Variants in SCN8A observed in about 807,000 individuals in gnomAD.
The protein encoded by SCN8A is sodium voltage-gated channel alpha subunit 8, also known as sodium channel protein type 8 subunit alpha.
SCN8A carries 30 observed loss-of-function variants against 184.1 expected under a neutral mutation model. That is an observed-to-expected ratio of 0.16 (90% CI 0.12 to 0.22). The LOEUF (loss-of-function observed/expected upper bound fraction) is 0.22, where lower values mean the gene tolerates loss of function less well. Ranked by LOEUF, SCN8A falls within the 10% of genes least tolerant of loss-of-function variation. The pLI is 1.00. For missense variants in SCN8A, 1,057 were observed against 2,498.9 expected (o/e 0.42, Z 12.30); for synonymous variants, 852 against 907.0 (o/e 0.94, Z 1.09).
At position 51,649,882 on chromosome 12, in the gene SCN8A, G is replaced by T. The variant is rs535722226; in HGVS notation, c.-54-12882G>T. 5.3e-5 allele frequency among the ~76,000 whole-genome samples: 8 copies of T among 152,268 alleles called. No homozygotes were observed. The South Asian group carries it at 8.3e-4, about 16-fold the overall frequency. The stretch of plus-strand genomic sequence containing the variant: ...GCTTGTATTTCTCCTCAGAAAATGG[G>T]TTTTTCTTTTCTATCACATGGACAG... On this transcript the variant is annotated intron_variant, in intron 1 of 26. Coordinates refer to ENST00000627620, the MANE Select transcript of SCN8A (RefSeq NM_001330260.2).
At chr12:51,786,943 C>T (rs1938103666) in intron 22 of SCN8A, 117 bp downstream of exon 22, 1 of 1,020,454 alleles carries the variant, frequency 9.8e-7, no homozygotes, top group Non-Finnish European at 1.4e-6. Context: ...CTCAATAAGT[C>T]CAAGAAAACA....
At chr12:51,680,605 C>T (rs1385702126) in intron 2 of SCN8A, among the ~76,000 whole-genome samples, 1 of 152,190 alleles carries the variant, frequency 6.6e-6, no homozygotes, top group Admixed American at 6.5e-5. Context: ...ACTGCAGGCA[C>T]TGATTCAGTG....
rs756032572 is a variant in SCN8A at position 51,786,699 on chromosome 12, T to C, written c.4100T>C (p.Ile1367Thr). ...FNETSEIRFE[I>T]EDVNNKTECE... The stretch of plus-strand genomic sequence containing the variant: ...GAGACTTCTGAAATCCGATTTGAAA[T>C]TGAAGATGTCAACAATAAAACTGAA... The change falls in exon 22 of 27, where the codon ATT (isoleucine) becomes ACT (threonine). Residue 1367 changes from isoleucine to threonine, a missense_variant. Ile to Thr is a moderately conservative substitution (Grantham distance 89). Around this residue, in one of 19 missense-constraint regions of SCN8A, gnomAD observed 13 missense variants for 20.0 expected, o/e 0.65. Transcript: ENST00000627620. 2 of 1,613,974 alleles carry C rather than the reference T, an allele frequency of 1.2e-6. No individual in the cohort carries two copies. Among genetic ancestry groups the C allele is most frequent in the South Asian group, 2.2e-5 (2 of 91,084 alleles).
intron 1 of SCN8A, among the ~76,000 whole-genome samples, chr12:51,603,824 A>C (rs1012073463): frequency 6.6e-6 from 1 of 151,918 alleles, no homozygotes; most frequent in Non-Finnish European, 1.5e-5. Context: ...AATGATGTCT[A>C]ATATCTTTTC....
intron 11 of SCN8A, among the ~76,000 whole-genome samples, chr12:51,717,114 T>C (rs908853216): frequency 4.6e-5 from 7 of 152,170 alleles, no homozygotes; most frequent in African/African-American, 1.4e-4. Context: ...CCAACACTTA[T>C]ATTTCCCCGT....
chr12:51,626,824 TTA>T (rs1429909908), intron 1 of SCN8A, among the ~76,000 whole-genome samples: 2 of 150,038 alleles, frequency 1.3e-5, no homozygotes, highest in Non-Finnish European at 3.0e-5. Context: ...TGATATTTAA[TTA>T]TATATTCTAT....
At chr12:51,619,056 G>A (rs1403241575) in intron 1 of SCN8A, among the ~76,000 whole-genome samples, 1 of 152,128 alleles carries the variant, frequency 6.6e-6, no homozygotes, top group African/African-American at 2.4e-5. Context: ...AGTTTCTCAT[G>A]TGTCTTTACA....
At chr12:51,733,872 A>G (rs535821462) in intron 12 of SCN8A, among the ~76,000 whole-genome samples, 5 of 152,278 alleles carry the variant, frequency 3.3e-5, no homozygotes, top group African/African-American at 1.2e-4. Context: ...TGCTCATAGT[A>G]ACCACTAATG....
intron 14 of SCN8A, among the ~76,000 whole-genome samples, chr12:51,755,425 GTATTCCAGGA>G (rs1322464543): frequency 1.3e-5 from 2 of 152,146 alleles, no homozygotes; most frequent in Non-Finnish European, 2.9e-5. Context: ...GTACCACAAG[GTATTCCAGGA>G]TACTTTCGTG....
At chr12:51,644,591 C>T (rs929085827) in intron 1 of SCN8A, among the ~76,000 whole-genome samples, 8 of 152,312 alleles carry the variant, frequency 5.3e-5, no homozygotes, top group Middle Eastern at 3.4e-3. Flanking sequence ...GCTACAACCT[C>T]CACCTCCCAG....
Position 51,706,634 on chromosome 12 carries a change from A to G in SCN8A, c.1554A>G (p.Ser518=), listed in dbSNP as rs1433782617. ...EKGDPEKVFK[S]ESEDGMRRKA... ...GGGATCCCGAGAAGGTGTTTAAGTCAGAGTCAGAAGATGGCATGAGAAGGA... is the reference window on the plus strand; with the variant it reads ...GGGATCCCGAGAAGGTGTTTAAGTCGGAGTCAGAAGATGGCATGAGAAGGA... The change falls in exon 11 of 27, where the codon TCA becomes TCG. Residue 518 remains serine, a synonymous_variant. Coordinates refer to ENST00000627620, the MANE Select transcript of SCN8A (RefSeq NM_001330260.2). The G allele has an allele frequency of 1.2e-6, 2 of 1,607,644 alleles. No homozygotes were observed. Among genetic ancestry groups the G allele is most frequent in the Non-Finnish European group, 1.7e-6 (2 of 1,177,034 alleles).
intron 6 of SCN8A, among the ~76,000 whole-genome samples, chr12:51,695,958 A>G (rs950490186): frequency 6.6e-6 from 1 of 152,198 alleles, no homozygotes; most frequent in Non-Finnish European, 1.5e-5. Flanking sequence ...ATTTCCACTT[A>G]TGTGGACCTG....
At chr12:51,742,712 C>G (rs1942446839) in intron 12 of SCN8A, among the ~76,000 whole-genome samples, 1 of 151,470 alleles carries the variant, frequency 6.6e-6, no homozygotes. Context: ...GTTCTATAAT[C>G]TTCTTGTACT....
intron 1 of SCN8A, among the ~76,000 whole-genome samples, chr12:51,632,057 C>T (rs926970425): frequency 2.6e-5 from 4 of 152,230 alleles, no homozygotes; most frequent in Admixed American, 1.3e-4. Context: ...AAATGCTTTT[C>T]CCAGAGAGAT....
intron 6 of SCN8A, 148 bp downstream of exon 6, chr12:51,689,244 C>A: frequency 1.5e-6 from 1 of 668,698 alleles, no homozygotes; most frequent in African/African-American, 1.8e-5. Context: ...TCTGGAATGG[C>A]CGTTGGGTCC....
At chr12:51,763,691 C>T (rs977273681) in intron 15 of SCN8A, among the ~76,000 whole-genome samples, 3 of 152,126 alleles carry the variant, frequency 2.0e-5, no homozygotes, top group Non-Finnish European at 2.9e-5. Flanking sequence ...AACAGCTGTC[C>T]GTAAACATAA....
intron 6 of SCN8A, among the ~76,000 whole-genome samples, chr12:51,695,966 C>A (rs1356820824): frequency 6.6e-6 from 1 of 152,172 alleles, no homozygotes; most frequent in Non-Finnish European, 1.5e-5. Flanking sequence ...TTATGTGGAC[C>A]TGGAACTGTC....
intron 6 of SCN8A, among the ~76,000 whole-genome samples, chr12:51,691,748 A>C (rs1036822622): frequency 1.3e-5 from 2 of 152,226 alleles, no homozygotes; most frequent in Non-Finnish European, 2.9e-5. Context: ...CTTGAATTAA[A>C]AGTGTGGCTC....
chr12:51,792,969 C>T (rs1938308389), intron 25 of SCN8A, among the ~76,000 whole-genome samples: 1 of 152,030 alleles, frequency 6.6e-6, no homozygotes, highest in Admixed American at 6.5e-5. Context: ...TCTTGAACTC[C>T]TGACCTCAAG....
Sources: allele counts gnomAD v4.1 joint callset (sites outside exome capture counted in the v4.1 genomes callset), GRCh38; gene constraint gnomAD v4.1.1; regional missense constraint gnomAD v4.1.1; transcripts MANE v1.5; gene names NCBI Gene and HGNC (gene_info 2026-07-23, HGNC 2026-07-21).